Variants in SDK1 observed in about 807,000 individuals in gnomAD.
SDK1 encodes protein sidekick-1.
SDK1 carries 157 observed loss-of-function variants against 245.5 expected under a neutral mutation model. That is an observed-to-expected ratio of 0.64 (90% CI 0.56 to 0.73). SDK1 has a LOEUF of 0.73. Among genes scored for constraint, SDK1 ranks in the 30% least tolerant of loss-of-function variants. The probability of loss-of-function intolerance (pLI) is 0.00; values close to 1 mark genes in which losing one functional copy is unlikely to be tolerated. For missense variants in SDK1, 3,583 were observed against 3,002.3 expected (o/e 1.19, Z -4.52); for synonymous variants, 1,647 against 1,278.5 (o/e 1.29, Z -6.15).
Position 3,969,238 on chromosome 7 carries a change from T to C in SDK1, c.1547-19T>C. The C allele has an allele frequency of 6.4e-7, 1 of 1,572,382 alleles. No homozygotes were observed. The highest frequency in any genetic ancestry group is 1.2e-5 in the South Asian group (1 of 83,594). On this transcript the variant is annotated intron_variant, in intron 10 of 44. Coordinates refer to ENST00000404826, the MANE Select transcript of SDK1 (RefSeq NM_152744.4). ...AGCGTTACGACTGTAACATGCCTCT[T>C]TTCTCCACTGTTCTTTAGAAAACCA...
intron 1 of SDK1, among the ~76,000 whole-genome samples, chr7:3,570,953 G>C (rs1185680128): frequency 6.6e-6 from 1 of 151,994 alleles, no homozygotes; most frequent in African/African-American, 2.4e-5. Flanking sequence ...TTTTCTGTCA[G>C]AATATGAACT....
At chr7:4,237,507 C>T (rs1184279347) in intron 41 of SDK1, 140 bp from the exon 42 acceptor site, 4 of 917,564 alleles carry the variant, frequency 4.4e-6, no homozygotes, top group Non-Finnish European at 6.8e-6. Context: ...GTCCACCCGC[C>T]CGGCTGGACA....
At chr7:3,732,680 C>T (rs993930657) in intron 4 of SDK1, among the ~76,000 whole-genome samples, 1 of 152,166 alleles carries the variant, frequency 6.6e-6, no homozygotes, top group East Asian at 1.9e-4. Context: ...TTAACTGAGG[C>T]GCTGAAATGT....
chr7:4,001,311 G>A (rs1323835074), intron 14 of SDK1, among the ~76,000 whole-genome samples: 1 of 152,208 alleles, frequency 6.6e-6, no homozygotes, highest in African/African-American at 2.4e-5. Context: ...CCAAGCTTCT[G>A]GATATATCCA....
At chr7:3,528,014 T>C (rs965043808) in intron 1 of SDK1, among the ~76,000 whole-genome samples, 3 of 135,410 alleles carry the variant, frequency 2.2e-5, no homozygotes, top group African/African-American at 5.7e-5. Context: ...GGTTGAGTGG[T>C]GGGAAGTAAT....
At chr7:3,382,876 T>A (rs972928360) in intron 1 of SDK1, among the ~76,000 whole-genome samples, 2 of 152,156 alleles carry the variant, frequency 1.3e-5, no homozygotes, top group African/African-American at 2.4e-5. Flanking sequence ...TAGATTTCTG[T>A]TTTATTGTAT....
At position 3,845,864 on chromosome 7, in the gene SDK1, C is replaced by T. The variant is rs180725186; in HGVS notation, c.847+24281C>T. ...ATTTAGAAAGCGGATGAATTGGCAG[C>T]ATAAACAGATTGAAACTGTGGTTTC... is the stretch of plus-strand genomic sequence containing the variant. On this transcript the variant is annotated intron_variant, in intron 5 of 44. Coordinates refer to ENST00000404826, the MANE Select transcript of SDK1 (RefSeq NM_152744.4). Among the ~76,000 whole-genome samples, 476 of 152,190 alleles carry T rather than the reference C, an allele frequency of 3.1e-3. 2 individuals carry two copies. The highest frequency in any genetic ancestry group is 0.011 in the African/African-American group (461 of 41,536).
intron 4 of SDK1, among the ~76,000 whole-genome samples, chr7:3,787,182 ACACACT>A (rs1432105330): frequency 5.3e-5 from 8 of 151,570 alleles, no homozygotes; most frequent in African/African-American, 1.9e-4. Flanking sequence ...ACACACACAC[ACACACT>A]CCCATACAGA....
At chr7:3,403,258 A>T (rs1778939185) in intron 1 of SDK1, among the ~76,000 whole-genome samples, 1 of 152,100 alleles carries the variant, frequency 6.6e-6, no homozygotes, top group East Asian at 1.9e-4. Flanking sequence ...TTATGAGCTT[A>T]CTTATTAGAA....
chr7:3,779,977 G>A (rs1003512555), intron 4 of SDK1, among the ~76,000 whole-genome samples: 5 of 149,738 alleles, frequency 3.3e-5, no homozygotes, highest in South Asian at 2.1e-4. Flanking sequence ...TGAGCATGAT[G>A]TCAGCAAGAT....
At chr7:3,800,358 C>A (rs1021117489) in intron 4 of SDK1, among the ~76,000 whole-genome samples, 1 of 147,530 alleles carries the variant, frequency 6.8e-6, no homozygotes, top group South Asian at 2.2e-4. Flanking sequence ...CTTTTACTTA[C>A]TTACTTACTT....
chr7:3,600,441 T>C (rs1449113180), intron 1 of SDK1, among the ~76,000 whole-genome samples: 2 of 152,180 alleles, frequency 1.3e-5, no homozygotes, highest in Non-Finnish European at 2.9e-5. Context: ...GGCGAGACCT[T>C]CCTATACTAT....
At chr7:3,407,380 C>G (rs575389764) in intron 1 of SDK1, among the ~76,000 whole-genome samples, 315 of 152,274 alleles carry the variant, frequency 2.1e-3, no homozygotes, top group African/African-American at 7.4e-3. Flanking sequence ...TGCATCCTGC[C>G]AAGTGATACT....
chr7:4,101,546 A>G (rs898817062), intron 22 of SDK1, among the ~76,000 whole-genome samples: 1 of 152,194 alleles, frequency 6.6e-6, no homozygotes, highest in Non-Finnish European at 1.5e-5. Flanking sequence ...AATCAAGCAA[A>G]TGTAAGAGAG....
intron 30 of SDK1, among the ~76,000 whole-genome samples, chr7:4,150,945 C>T (rs1228154189): frequency 6.6e-6 from 1 of 152,262 alleles, no homozygotes; most frequent in South Asian, 2.1e-4. Context: ...AGCCTGGCTT[C>T]TGCCACTTGC....
intron 1 of SDK1, among the ~76,000 whole-genome samples, chr7:3,485,682 G>GTTTTTTTTTTTTTTTTTTT (rs1562515905): frequency 3.2e-5 from 1 of 30,970 alleles, no homozygotes; most frequent in Non-Finnish European, 6.3e-5. Flanking sequence ...ATCTTTGGAG[G>GTTTTTTTTTTTTTTTTTTT]GTTTTTTTTT....
chr7:3,461,056 G>T (rs6970840), intron 1 of SDK1, among the ~76,000 whole-genome samples: 28 of 152,214 alleles, frequency 1.8e-4, no homozygotes, highest in Non-Finnish European at 3.8e-4. Context: ...ACACATTTTC[G>T]TGTTTTTGAG....
At chr7:3,379,396 G>A (rs1781431255) in intron 1 of SDK1, among the ~76,000 whole-genome samples, 1 of 152,144 alleles carries the variant, frequency 6.6e-6, no homozygotes. Flanking sequence ...AAGTCCACCT[G>A]GAGCACGTGT....
intron 17 of SDK1, among the ~76,000 whole-genome samples, chr7:4,043,504 C>G (rs7792644): frequency 0.077 from 11,709 of 152,144 alleles, 1,033 homozygotes; most frequent in African/African-American, 0.21. Context: ...TGTGAGAGCT[C>G]GTGATTTTAG....
Sources: allele counts gnomAD v4.1 joint callset (sites outside exome capture counted in the v4.1 genomes callset), GRCh38; gene constraint gnomAD v4.1.1; transcripts MANE v1.5; gene names NCBI Gene and HGNC (gene_info 2026-07-23, HGNC 2026-07-21).